The following LRBA variants were observed in gnomAD, a reference collection of about 807,000 sequenced individuals.
The protein encoded by LRBA is lipopolysaccharide-responsive and beige-like anchor protein.
In LRBA, 176 loss-of-function variants were observed where a neutral mutation model predicts 330.0. The ratio of observed to expected loss-of-function variants is 0.53; its 90% CI spans 0.47 to 0.60. The LOEUF (loss-of-function observed/expected upper bound fraction) is 0.60. Among genes scored for constraint, LRBA ranks in the 20% least tolerant of loss-of-function variants. The pLI, the probability that LRBA is intolerant of heterozygous loss-of-function variation, is 0.00. For synonymous variants in LRBA, 1,230 were observed against 1,193.0 expected (o/e 1.03, Z -0.64); for missense variants, 3,259 against 3,444.8 (o/e 0.95, Z 1.35).
intron 47 of LRBA, among the ~76,000 whole-genome samples, chr4:150,354,346 C>A (rs1737551473): frequency 6.6e-6 from 1 of 151,868 alleles, no homozygotes; most frequent in African/African-American, 2.4e-5. Flanking sequence ...TTTTTCAAAG[C>A]CTTCAAAACC....
chr4:150,413,565 A>G (rs1300885301), intron 47 of LRBA, among the ~76,000 whole-genome samples: 2 of 152,302 alleles, frequency 1.3e-5, no homozygotes, highest in Non-Finnish European at 2.9e-5. Flanking sequence ...CCATTAATAT[A>G]AAATTTCTAG....
chr4:150,301,434 CCTT>C (rs1729661965), intron 53 of LRBA, among the ~76,000 whole-genome samples: 1 of 151,814 alleles, frequency 6.6e-6, no homozygotes, highest in Non-Finnish European at 1.5e-5. Flanking sequence ...GGAAATTATC[CCTT>C]TTTTGATTAA....
At chr4:151,000,080 C>A (rs1291705347) in intron 2 of LRBA, among the ~76,000 whole-genome samples, 4 of 152,126 alleles carry the variant, frequency 2.6e-5, no homozygotes, top group Admixed American at 2.6e-4. Context: ...ACAGTTAGAA[C>A]AATACACAGT....
intron 20 of LRBA, among the ~76,000 whole-genome samples, chr4:150,868,815 G>A (rs1022928983): frequency 2.6e-4 from 39 of 152,058 alleles, no homozygotes; most frequent in Admixed American, 1.1e-3. Context: ...GCGTGTGCCT[G>A]TAATCCCAGC....
intron 46 of LRBA, among the ~76,000 whole-genome samples, chr4:150,430,263 G>GCCATAA (rs1750197625): frequency 6.6e-6 from 1 of 152,072 alleles, no homozygotes; most frequent in African/African-American, 2.4e-5. Flanking sequence ...TCCACTCTGG[G>GCCATAA]CCATAGACAA....
intron 37 of LRBA, among the ~76,000 whole-genome samples, chr4:150,652,549 C>A (rs1384011958): frequency 2.0e-5 from 3 of 152,066 alleles, no homozygotes; most frequent in African/African-American, 7.2e-5. Flanking sequence ...ATCACATATA[C>A]ATTTTAAAGT....
chr4:150,325,894 A>G lies in LRBA; in HGVS notation c.7367T>C (p.Val2456Ala). The G allele has an allele frequency of 6.2e-7, 1 of 1,606,924 alleles. No individual in the cohort carries two copies. The highest frequency in any genetic ancestry group is 8.5e-7 in the Non-Finnish European group (1 of 1,174,032). ...SITDPVLREA[V>A]EAQIRSFGQT... ...TCCAAAACTTCGGATTTGAGCTTCA[A>G]CAGCCTGAAAAGGGCAGGGGCAAGT... The change falls in exon 49 of 57, where the codon GTT becomes GCT. Residue 2456 changes from valine to alanine, a missense_variant. Val to Ala is a moderately conservative substitution (Grantham distance 64). Coordinates refer to ENST00000651943, the MANE Select transcript of LRBA (RefSeq NM_001364905.1).
rs1445308718 is a variant in LRBA at position 150,588,049 on chromosome 4, T to C, written c.6329A>G (p.Lys2110Arg). 2.5e-6 allele frequency: 4 copies of C among 1,611,872 alleles called. No homozygotes were observed. Among genetic ancestry groups the C allele is most frequent in the Non-Finnish European group, 2.5e-6 (3 of 1,179,104 alleles). ...AATGAAACCCCTTCATCTTCTCACC[T>C]TGGGGTCGATTTTTTTGAAGTTAGG... ...EDPNFKKIDP[K>R]ILAYTEGLHG... The change falls in exon 40 of 57, where the codon AAG (lysine) becomes AGG (arginine). Residue 2110 changes from lysine (K) to arginine (R), a missense_variant and splice_region_variant. By Grantham distance (26) the Lys-to-Arg change is conservative. Coordinates refer to ENST00000651943, the MANE Select transcript of LRBA (RefSeq NM_001364905.1).
chr4:150,949,924 A>G (rs934330898), intron 2 of LRBA, among the ~76,000 whole-genome samples: 1 of 152,128 alleles, frequency 6.6e-6, no homozygotes, highest in African/African-American at 2.4e-5. Flanking sequence ...AAAAAGATGA[A>G]GCATATATTG....
intron 23 of LRBA, among the ~76,000 whole-genome samples, chr4:150,851,296 T>G (rs1357673073): frequency 6.6e-6 from 1 of 152,002 alleles, no homozygotes; most frequent in Non-Finnish European, 1.5e-5. Flanking sequence ...GATAACATAA[T>G]GAAGAACCAA....
At chr4:150,594,891 AACAC>A (rs1773316669) in intron 38 of LRBA, among the ~76,000 whole-genome samples, 1 of 151,958 alleles carries the variant, frequency 6.6e-6, no homozygotes, top group African/African-American at 2.4e-5. Flanking sequence ...AAACAGCAAA[AACAC>A]ACACAACAAA....
At chr4:150,490,519 C>T (rs557915112) in intron 41 of LRBA, among the ~76,000 whole-genome samples, 2 of 151,902 alleles carry the variant, frequency 1.3e-5, no homozygotes, top group South Asian at 2.1e-4. Context: ...CAATATATCA[C>T]ATATATCACA....
intron 47 of LRBA, among the ~76,000 whole-genome samples, chr4:150,358,140 C>T (rs1738144506): frequency 6.6e-6 from 1 of 152,152 alleles, no homozygotes; most frequent in Non-Finnish European, 1.5e-5. Flanking sequence ...GGGGAGACCA[C>T]ATATTCTTCA....
intron 40 of LRBA, 49 bp downstream of exon 40, chr4:150,587,999 C>A: frequency 6.3e-7 from 1 of 1,585,710 alleles, no homozygotes; most frequent in South Asian, 1.2e-5. Context: ...TATCCAACAG[C>A]ACCCACCATC....
chr4:150,622,604 C>T (rs141174203), intron 37 of LRBA, among the ~76,000 whole-genome samples: 1,597 of 151,760 alleles, frequency 0.011, 10 homozygotes, highest in Non-Finnish European at 0.016. Flanking sequence ...AAGATAAGTA[C>T]TCTTCCGGGG....
At chr4:150,941,406 C>T (rs1302783127) in intron 2 of LRBA, among the ~76,000 whole-genome samples, 1 of 152,080 alleles carries the variant, frequency 6.6e-6, no homozygotes, top group Non-Finnish European at 1.5e-5. Flanking sequence ...CCACCTTGGC[C>T]TCCCAAAATG....
At chr4:150,635,235 C>A (rs1475872387) in intron 37 of LRBA, among the ~76,000 whole-genome samples, 1 of 152,186 alleles carries the variant, frequency 6.6e-6, no homozygotes, top group Non-Finnish European at 1.5e-5. Context: ...GGAATATCAG[C>A]ATGACTCCTG....
At chr4:150,587,899 T>G in intron 40 of LRBA, 149 bp downstream of exon 40, 2 of 739,596 alleles carry the variant, frequency 2.7e-6, no homozygotes, top group Non-Finnish European at 4.2e-6. Flanking sequence ...TAGGGAATCA[T>G]AAACTAAAGA....
intron 44 of LRBA, among the ~76,000 whole-genome samples, chr4:150,441,099 C>T (rs535871135): frequency 3.3e-5 from 5 of 151,888 alleles, no homozygotes; most frequent in East Asian, 3.9e-4. Context: ...CAGTTCAGTG[C>T]CTGGTACATA....
Sources: allele counts gnomAD v4.1 joint callset (sites outside exome capture counted in the v4.1 genomes callset), GRCh38; gene constraint gnomAD v4.1.1; transcripts MANE v1.5; gene names NCBI Gene and HGNC (gene_info 2026-07-23, HGNC 2026-07-21).